Variants in TMEM135 observed in about 807,000 individuals in gnomAD.
The protein encoded by TMEM135 is transmembrane protein 135, also known as peroxisomal membrane protein 52.
TMEM135 carries 30 observed loss-of-function variants against 60.3 expected under a neutral mutation model. The observed-to-expected ratio is 0.50, with a 90% CI of 0.37 to 0.68. TMEM135 has a LOEUF of 0.68. Ranked by LOEUF, TMEM135 falls within the 30% of genes least tolerant of loss-of-function variation. The pLI, the probability that TMEM135 is intolerant of heterozygous loss-of-function variation, is 0.00. For missense variants in TMEM135, 468 were observed against 548.8 expected (o/e 0.85, Z 1.47); for synonymous variants, 190 against 186.7 (o/e 1.02, Z -0.14).
chr11:87,050,544 C>T (rs1323585830), intron 1 of TMEM135, among the ~76,000 whole-genome samples: 2 of 51,736 alleles, frequency 3.9e-5, no homozygotes, highest in East Asian at 2.4e-3. Context: ...CACCTCTACG[C>T]AAATAAACTA....
chr11:87,045,676 G>A (rs1015322997), intron 1 of TMEM135, among the ~76,000 whole-genome samples: 1 of 152,180 alleles, frequency 6.6e-6, no homozygotes, highest in East Asian at 1.9e-4. Flanking sequence ...TGATTTTATT[G>A]TGATAGAGAT....
chr11:87,209,590 A>G (rs781294278), intron 5 of TMEM135, among the ~76,000 whole-genome samples: 2 of 152,150 alleles, frequency 1.3e-5, no homozygotes, highest in Admixed American at 1.3e-4. Context: ...ATAACCATAT[A>G]TTAATAGTGG....
intron 6 of TMEM135, among the ~76,000 whole-genome samples, chr11:87,246,757 A>T (rs12361506): frequency 0.076 from 9,048 of 119,760 alleles, 692 homozygotes; most frequent in African/African-American, 0.19. Context: ...ATTCGTCTAA[A>T]TTTTTTTCAA....
At position 87,110,706 on chromosome 11, in the gene TMEM135, C is replaced by T. The variant is rs575466816; in HGVS notation, c.396+19311C>T. Among the ~76,000 whole-genome samples, 30 of 152,050 alleles carry T rather than the reference C, an allele frequency of 2.0e-4. No individual in the cohort carries two copies. In the South Asian group the frequency reaches 5.8e-3, roughly 30 times the overall value. On this transcript the variant is annotated intron_variant, in intron 4 of 14. Coordinates refer to ENST00000305494, the MANE Select transcript of TMEM135 (RefSeq NM_022918.4). ...ATTTAAAGAAATGTTTTTTTCGTAA[C>T]ATTCTTTGATAAAGAAACATAGAAC...
At chr11:87,238,229 T>C (rs949682091) in intron 6 of TMEM135, among the ~76,000 whole-genome samples, 4 of 151,968 alleles carry the variant, frequency 2.6e-5, no homozygotes, top group Non-Finnish European at 5.9e-5. Context: ...ATCTCTATTA[T>C]GTGATTTTTA....
chr11:87,283,173 G>A (rs573241479), intron 6 of TMEM135, among the ~76,000 whole-genome samples: 1 of 151,560 alleles, frequency 6.6e-6, no homozygotes, highest in Non-Finnish European at 1.5e-5. Flanking sequence ...TGTCTCTACT[G>A]AAAATACAAA....
chr11:87,307,845 A>C (rs554785089), intron 9 of TMEM135, among the ~76,000 whole-genome samples: 1 of 152,222 alleles, frequency 6.6e-6, no homozygotes, highest in Non-Finnish European at 1.5e-5. Flanking sequence ...TGTCCTCAAC[A>C]TTCTGTACTC....
chr11:87,058,500 T>C (rs911402168), intron 1 of TMEM135, among the ~76,000 whole-genome samples: 5 of 152,104 alleles, frequency 3.3e-5, no homozygotes, highest in African/African-American at 7.2e-5. Flanking sequence ...CCACTAATTT[T>C]TTGTATTTTT....
intron 4 of TMEM135, among the ~76,000 whole-genome samples, chr11:87,120,489 T>TTTTTTTTG (rs1858025261): frequency 1.3e-5 from 2 of 148,606 alleles, no homozygotes; most frequent in Admixed American, 6.8e-5. Flanking sequence ...TTTTTTTTTT[T>TTTTTTTTG]GAGACAGAGT....
At chr11:87,116,917 G>A (rs936455538) in intron 4 of TMEM135, among the ~76,000 whole-genome samples, 2 of 151,870 alleles carry the variant, frequency 1.3e-5, no homozygotes, top group South Asian at 4.2e-4. Flanking sequence ...CCGCCTTTTG[G>A]GTTCAAATGA....
intron 8 of TMEM135, 138 bp downstream of exon 8, chr11:87,302,580 A>G: frequency 9.4e-7 from 1 of 1,061,806 alleles, no homozygotes; most frequent in South Asian, 1.3e-5. Flanking sequence ...GAATTTTATA[A>G]AAGGCACACA....
At chr11:87,241,471 A>G (rs1312387249) in intron 6 of TMEM135, among the ~76,000 whole-genome samples, 2 of 152,140 alleles carry the variant, frequency 1.3e-5, no homozygotes, top group African/African-American at 4.8e-5. Flanking sequence ...TAAATGATTC[A>G]TTGCCTCAAG....
chr11:87,193,762 A>ATATAT (rs148061152), intron 5 of TMEM135, among the ~76,000 whole-genome samples: 19,255 of 147,886 alleles, frequency 0.13, 1,302 homozygotes, highest in Non-Finnish European at 0.15. Flanking sequence ...ATATATTCTT[A>ATATAT]TATATTATAT....
intron 1 of TMEM135, among the ~76,000 whole-genome samples, chr11:87,043,709 G>A (rs1949770683): frequency 6.6e-6 from 1 of 151,448 alleles, no homozygotes; most frequent in Non-Finnish European, 1.5e-5. Context: ...GCAACAGAGC[G>A]AGACTCTGTC....
intron 4 of TMEM135, among the ~76,000 whole-genome samples, chr11:87,139,740 G>C (rs935748703): frequency 6.6e-6 from 1 of 152,062 alleles, no homozygotes; most frequent in Non-Finnish European, 1.5e-5. Context: ...ACTTGTTCTA[G>C]TGCATGTGGA....
At chr11:87,227,069 A>T (rs1357833898) in intron 5 of TMEM135, among the ~76,000 whole-genome samples, 2 of 152,064 alleles carry the variant, frequency 1.3e-5, no homozygotes, top group African/African-American at 4.8e-5. Context: ...AAACAAAAAC[A>T]AAAAAACACA....
At chr11:87,313,282 C>T (rs1942671235) in intron 10 of TMEM135, 143 bp from the exon 11 acceptor site, 1 of 629,408 alleles carries the variant, frequency 1.6e-6, no homozygotes, top group South Asian at 2.0e-5. Context: ...TTTTTCCAAT[C>T]ATGTATGCAG....
chr11:87,084,331 C>A (rs573600333), intron 3 of TMEM135, among the ~76,000 whole-genome samples: 2 of 148,300 alleles, frequency 1.3e-5, no homozygotes, highest in Non-Finnish European at 3.0e-5. Context: ...TTTTTTGAGA[C>A]AGAGTTTCAC....
At chr11:87,142,602 G>T (rs906446837) in intron 4 of TMEM135, among the ~76,000 whole-genome samples, 1 of 151,814 alleles carries the variant, frequency 6.6e-6, no homozygotes, top group Non-Finnish European at 1.5e-5. Flanking sequence ...CTCTATCTTT[G>T]GTTTTCAGAA....
Sources: allele counts gnomAD v4.1 joint callset (sites outside exome capture counted in the v4.1 genomes callset), GRCh38; gene constraint gnomAD v4.1.1; transcripts MANE v1.5; gene names NCBI Gene and HGNC (gene_info 2026-07-23, HGNC 2026-07-21).